EMSY: variants seen among roughly 807,000 people sequenced by gnomAD.
The protein encoded by EMSY is BRCA2-interacting transcriptional repressor EMSY.
Under a neutral mutation model 134.6 loss-of-function variants are expected in EMSY, and 26 were observed. The observed-to-expected ratio is 0.19, with a 90% CI of 0.14 to 0.27. The LOEUF is 0.27. Ranked by LOEUF, EMSY falls within the 10% of genes least tolerant of loss-of-function variation. The pLI is 1.00. For synonymous variants in EMSY, 579 were observed against 577.8 expected (o/e 1.00, Z -0.03); for missense variants, 1,305 against 1,611.4 (o/e 0.81, Z 3.26).
intron 14 of EMSY, among the ~76,000 whole-genome samples, chr11:76,535,664 C>G (rs1227609625): frequency 6.6e-6 from 1 of 152,046 alleles, no homozygotes; most frequent in African/African-American, 2.4e-5. Flanking sequence ...TAGATTCTGG[C>G]ACATAAGTGT....
chr11:76,547,405 G>A (rs1286735019), intron 20 of EMSY, among the ~76,000 whole-genome samples: 1 of 152,214 alleles, frequency 6.6e-6, no homozygotes. Flanking sequence ...AAAAACAAAT[G>A]TAAATGAAGT....
chr11:76,542,364 G>A (rs1951470247), exon 18 of EMSY: 2 of 1,613,740 alleles, frequency 1.2e-6, no homozygotes, highest in Admixed American at 1.7e-5. Flanking sequence ...ACATTATGCA[G>A]CAGGTTGTAT....
rs116588964 is a variant in EMSY at position 76,529,219 on chromosome 11, C to T, written c.2194+753C>T. On this transcript the variant is annotated intron_variant, in intron 14 of 20. Coordinates refer to ENST00000334736, the Ensembl canonical transcript of EMSY. The stretch of plus-strand genomic sequence containing the variant: ...TTATCCTTGGGTGGTACATTTATGT[C>T]TGTGCTTATGTGCTCTGATGCATCT... 4.2e-3 allele frequency among the ~76,000 whole-genome samples: 632 copies of T among 152,252 alleles called. 5 individuals carry two copies. Among genetic ancestry groups the T allele is most frequent in the African/African-American group, 0.015 (613 of 41,544 alleles).
intron 2 of EMSY, among the ~76,000 whole-genome samples, chr11:76,449,138 A>C (rs1947547640): frequency 6.6e-6 from 1 of 152,244 alleles, no homozygotes; most frequent in East Asian, 1.9e-4. Flanking sequence ...TGTGTTTGTT[A>C]TTTTATTCTA....
rs544099301 is a variant in EMSY, at chr11:76,529,106, C to G, written c.2194+640C>G. Among the ~76,000 whole-genome samples the G allele has an allele frequency of 2.6e-5, 4 of 152,146 alleles. No individual in the cohort carries two copies. In the East Asian group the frequency reaches 5.8e-4, roughly 22 times the overall value. On this transcript the variant is annotated intron_variant, in intron 14 of 20. Coordinates refer to ENST00000334736, the Ensembl canonical transcript of EMSY. The stretch of plus-strand genomic sequence containing the variant: ...CTGTTTGAATTATGTTACTCTTCTA[C>G]GAAACCTCTTGAAATAAACTCATGA...
At chr11:76,450,190 A>AT (rs1244585445) in intron 2 of EMSY, among the ~76,000 whole-genome samples, 10 of 151,800 alleles carry the variant, frequency 6.6e-5, no homozygotes, top group Admixed American at 3.3e-4. Flanking sequence ...ACCATTTGGT[A>AT]TATATAATGG....
chr11:76,545,859 G>A (rs1951626952), exon 20 of EMSY: 2 of 1,614,060 alleles, frequency 1.2e-6, no homozygotes, highest in Non-Finnish European at 1.7e-6. Context: ...AGGGGCGCCA[G>A]CCTCCCACAG....
At chr11:76,498,575 G>C (rs1274061001) in intron 9 of EMSY, among the ~76,000 whole-genome samples, 1 of 152,064 alleles carries the variant, frequency 6.6e-6, no homozygotes, top group Non-Finnish European at 1.5e-5. Context: ...GTCTCATTAT[G>C]TAGCGTTCCT....
At chr11:76,463,079 G>T (rs1386941092) in intron 6 of EMSY, among the ~76,000 whole-genome samples, 1 of 152,074 alleles carries the variant, frequency 6.6e-6, no homozygotes, top group African/African-American at 2.4e-5. Flanking sequence ...ACTTTGGGAG[G>T]CCAAGGCGGG....
intron 2 of EMSY, among the ~76,000 whole-genome samples, chr11:76,449,023 C>T (rs1417954796): frequency 3.9e-5 from 6 of 152,142 alleles, no homozygotes; most frequent in South Asian, 2.1e-4. Flanking sequence ...AGCTCCAACA[C>T]GGGGCTTTAT....
chr11:76,446,352 T>TATATATA (rs1555036541), intron 1 of EMSY, among the ~76,000 whole-genome samples: 1 of 140,956 alleles, frequency 7.1e-6, no homozygotes, highest in African/African-American at 2.5e-5. Context: ...TATATGTGTA[T>TATATATA]ATATATATAT....
exon 15 of EMSY, chr11:76,535,914 T>C: frequency 6.5e-7 from 1 of 1,547,956 alleles, no homozygotes; most frequent in Non-Finnish European, 8.7e-7. Flanking sequence ...CTGTAGTTCA[T>C]GTAATTGCTT....
intron 7 of EMSY, 121 bp downstream of exon 8, chr11:76,464,201 C>A (rs1948257627): frequency 8.2e-7 from 1 of 1,221,828 alleles, no homozygotes; most frequent in Non-Finnish European, 1.1e-6. Context: ...ATGTTCACAT[C>A]TTTTACTTTG....
chr11:76,538,728 C>T (rs988506977), intron 16 of EMSY, among the ~76,000 whole-genome samples: 9 of 152,090 alleles, frequency 5.9e-5, no homozygotes, highest in African/African-American at 9.7e-5. Context: ...GAGGCCGAGG[C>T]GGGCAGATTG....
intron 16 of EMSY, among the ~76,000 whole-genome samples, chr11:76,539,073 G>T (rs1410468428): frequency 2.6e-5 from 4 of 152,178 alleles, no homozygotes; most frequent in Non-Finnish European, 2.9e-5. Flanking sequence ...AAAACACTGA[G>T]ATTTTTAGAT....
chr11:76,518,699 A>G (rs943086679), intron 11 of EMSY, among the ~76,000 whole-genome samples: 27 of 124,692 alleles, frequency 2.2e-4, no homozygotes, highest in African/African-American at 8.3e-4. Context: ...ATATATATAT[A>G]TATATTTTTT....
chr11:76,509,647 T>C (rs1282501660), intron 9 of EMSY, among the ~76,000 whole-genome samples: 1 of 152,168 alleles, frequency 6.6e-6, no homozygotes, highest in Non-Finnish European at 1.5e-5. Context: ...TAAAAAGATC[T>C]CTAAGATACA....
chr11:76,480,075 C>T (rs922855381), intron 8 of EMSY, among the ~76,000 whole-genome samples: 1 of 152,158 alleles, frequency 6.6e-6, no homozygotes, highest in African/African-American at 2.4e-5. Context: ...AGTTCATTGA[C>T]AAGTTTGTCA....
intron 19 of EMSY, 137 bp downstream of exon 20, chr11:76,544,959 A>C: frequency 1.1e-6 from 1 of 921,944 alleles, no homozygotes; most frequent in East Asian, 2.7e-5. Context: ...CGCTGGTATT[A>C]CTTTGCCCCA....
Sources: gnomAD v4.1 joint callset for allele counts (sites outside exome capture counted in the v4.1 genomes callset) on GRCh38, gnomAD v4.1.1 for gene constraint, MANE v1.5 for transcripts, NCBI Gene and HGNC (gene_info 2026-07-23, HGNC 2026-07-21) for gene names.